WNT7B: variants seen among roughly 807,000 people sequenced by gnomAD.
The protein encoded by WNT7B is Wnt family member 7B.
In WNT7B, 19 loss-of-function variants were observed where a neutral mutation model predicts 38.2. That is an observed-to-expected ratio of 0.50 (90% CI 0.35 to 0.73). The LOEUF is 0.73. Among genes scored for constraint, WNT7B ranks in the 30% least tolerant of loss-of-function variants. WNT7B has a pLI of 0.01. For synonymous variants in WNT7B, 243 were observed against 209.3 expected (o/e 1.16, Z -1.39); for missense variants, 423 against 507.9 (o/e 0.83, Z 1.61).
intron 2 of WNT7B, among the ~76,000 whole-genome samples, chr22:45,944,466 C>T (rs527546253): frequency 1.2e-3 from 178 of 152,336 alleles, no homozygotes; most frequent in African/African-American, 4.0e-3. Context: ...TGGGCAGCTT[C>T]GCCGCTAGGA....
In WNT7B at chr22:45,971,973, G is replaced by A. The variant is rs577647888; in HGVS notation, c.71+4711C>T. On this transcript the variant is annotated intron_variant, in intron 1 of 3. Transcript: ENST00000339464. ...TCTCACTGCCGTAGCTGCCCGCCAA[G>A]TGCTCCACCTCGGCAGCTTAGGCTG... Among the ~76,000 whole-genome samples the A allele has an allele frequency of 1.4e-4, 21 of 152,316 alleles. No homozygotes were observed. The East Asian group carries it at 4.1e-3, about 30-fold the overall frequency.
chr22:45,975,209 G>A lies in WNT7B; in HGVS notation c.71+1475C>T, dbSNP rs960168812. On this transcript the variant is annotated intron_variant, in intron 1 of 3. Coordinates refer to ENST00000339464, the MANE Select transcript of WNT7B (RefSeq NM_058238.3). The surrounding 1 kb of genome is among the most constrained non-coding windows in gnomAD (Gnocchi z 6.6). ...GTGCCAGGAGGGGGAAGGCCTCAGC[G>A]CTGAGAATCAGGCTGCAGGGACAAA... 1.3e-5 allele frequency among the ~76,000 whole-genome samples: 2 copies of A among 152,142 alleles called. No homozygotes were observed. Among genetic ancestry groups the A allele is most frequent in the South Asian group, 2.1e-4 (1 of 4,828 alleles).
At position 45,922,554 on chromosome 22, in the gene WNT7B, G is replaced by T. The variant is rs1467764313; in HGVS notation, c.*302C>A. ...TGTGTCCTGGACGTTCATTTTCCCAGAGAGAAGAAAGAGAACTTGCCGGGC... is the reference window on the plus strand; with the variant it reads ...TGTGTCCTGGACGTTCATTTTCCCATAGAGAAGAAAGAGAACTTGCCGGGC... On this transcript the variant is annotated 3_prime_UTR_variant, in exon 4 of 4. Coordinates refer to ENST00000339464, the MANE Select transcript of WNT7B (RefSeq NM_058238.3). 2.4e-6 allele frequency: 1 copy of T among 415,840 alleles called. No homozygotes were observed. The highest frequency in any genetic ancestry group is 4.3e-6 in the Non-Finnish European group (1 of 230,564). The allele number at this position is 415,840 out of a possible 1,614,324, so 25.8% of individuals were successfully genotyped here.
rs1485634026 is a variant in WNT7B at position 45,929,728 on chromosome 22, C to CATCCACCTACCCATCCTTCCACTCATT, written c.570+1369_570+1370insAATGAGTGGAAGGATGGGTAGGTGGAT. ...TCCATCCACCCGTGAATCCACTCAC[C>CATCCACCTACCCATCCTTCCACTCATT]CATCCACCCACCGATCCATCCTTTC... is the stretch of plus-strand genomic sequence containing the variant. On this transcript the variant is annotated intron_variant, in intron 3 of 3. Transcript: ENST00000339464. 4.5e-3 allele frequency among the ~76,000 whole-genome samples: 663 copies of CATCCACCTACCCATCCTTCCACTCATT among 148,910 alleles called. 4 individuals are homozygous for CATCCACCTACCCATCCTTCCACTCATT. The highest frequency in any genetic ancestry group is 0.016 in the African/African-American group (625 of 39,386).
At chr22:45,961,283 C>G (rs564045671) in intron 1 of WNT7B, among the ~76,000 whole-genome samples, 1 of 152,300 alleles carries the variant, frequency 6.6e-6, no homozygotes, top group East Asian at 1.9e-4. Context: ...GCCCGGCCAC[C>G]CCAAGGCTGT....
chr22:45,923,342 G>T lies in WNT7B; in HGVS notation c.571-7C>A. On this transcript the variant is annotated splice_region_variant and splice_polypyrimidine_tract_variant and intron_variant, in intron 3 of 3. Coordinates refer to ENST00000339464, the MANE Select transcript of WNT7B (RefSeq NM_058238.3). ...GCATCCGGTCCTCTAGAACCTGCGG[G>T]TGACAGGGAAGCTGCTCGGCACGGC... 6.3e-7 allele frequency: 1 copy of T among 1,592,612 alleles called. No homozygotes were observed. The highest frequency in any genetic ancestry group is 8.6e-7 in the Non-Finnish European group (1 of 1,166,486).
intron 2 of WNT7B, among the ~76,000 whole-genome samples, chr22:45,948,827 CTT>C (rs749735538): frequency 0.099 from 8,881 of 89,604 alleles, 566 homozygotes; most frequent in East Asian, 0.21. Flanking sequence ...CCAAAGATCC[CTT>C]TTTTTTTTTT....
Position 45,952,815 on chromosome 22 carries a change from C to A in WNT7B, c.72-2669G>T, listed in dbSNP as rs1322502314. Among the ~76,000 whole-genome samples, 4 of 152,226 alleles carry A rather than the reference C, an allele frequency of 2.6e-5. No homozygotes were observed. In the South Asian group the frequency reaches 8.3e-4, roughly 32 times the overall value. On this transcript the variant is annotated intron_variant, in intron 1 of 3. Transcript: ENST00000339464. ...CGGCCCTGCCAGCACCCGGATCTGA[C>A]CAAGTCCGTCTGCTCAAAGCCCATC...
rs980779392 is a variant in WNT7B at position 45,939,649 on chromosome 22, T to TCACA, written c.299-8284_299-8281dup. Among the ~76,000 whole-genome samples, 822 of 101,280 alleles carry TCACA rather than the reference T, an allele frequency of 8.1e-3. 10 individuals carry two copies. The highest frequency in any genetic ancestry group is 0.025 in the African/African-American group (784 of 31,152). The allele number at this position is 101,280 out of a possible 152,430, so 66.4% of individuals were successfully genotyped here. A position where few individuals can be genotyped will look rare whatever the true frequency, so the allele number is the denominator to read the frequency against. ...TCTCTACAAACACACACACACACAC[T>TCACA]CACACACACACACACACACACAAAA... is the stretch of plus-strand genomic sequence containing the variant. On this transcript the variant is annotated intron_variant, in intron 2 of 3. Transcript: ENST00000339464.
chr22:45,943,603 C>G (rs1931722666), intron 2 of WNT7B, among the ~76,000 whole-genome samples: 1 of 152,288 alleles, frequency 6.6e-6, no homozygotes, highest in African/African-American at 2.4e-5. Context: ...CCGGGGCTGC[C>G]CCAGGGCCTC....
At chr22:45,957,290 T>C (rs1049132690) in intron 1 of WNT7B, among the ~76,000 whole-genome samples, 9 of 152,088 alleles carry the variant, frequency 5.9e-5, no homozygotes, top group African/African-American at 2.2e-4. Flanking sequence ...ACATAAGTTA[T>C]ATCTCAGCAT....
chr22:45,931,303 G>C lies in WNT7B; in HGVS notation c.365C>G (p.Ala122Gly). 1 of 1,597,844 alleles carries C rather than the reference G, an allele frequency of 6.3e-7. No homozygotes were observed. Among genetic ancestry groups the C allele is most frequent in the Non-Finnish European group, 8.5e-7 (1 of 1,179,306 alleles). The change falls in exon 3 of 4, where the codon GCC becomes GGC. Residue 122 changes from alanine to glycine, a missense_variant. Around this residue, in one of 3 missense-constraint regions of WNT7B, gnomAD observed 133 missense variants for 179.8 expected, o/e 0.74. Coordinates refer to ENST00000339464, the MANE Select transcript of WNT7B (RefSeq NM_058238.3). Reference sequence around the variant, plus strand: ...GTTGCTCAGGTTCCCTTGGCTGCAGGCAGCGGTGACGGCGTGCGCCACGCC... The same window carrying C: ...GTTGCTCAGGTTCCCTTGGCTGCAGCCAGCGGTGACGGCGTGCGCCACGCC... ...AAGVAHAVTA[A>G]CSQGNLSNCG...
chr22:45,940,646 T>C (rs182144176), intron 2 of WNT7B, among the ~76,000 whole-genome samples: 1 of 152,224 alleles, frequency 6.6e-6, no homozygotes, highest in East Asian at 1.9e-4. Context: ...ACCAACACAC[T>C]GAACCCGGGG....
At chr22:45,925,635 C>T in intron 3 of WNT7B, 1 of 985,352 alleles carries the variant, frequency 1.0e-6, no homozygotes, top group Non-Finnish European at 1.2e-6. Context: ...GGGATCTGTC[C>T]CCTCCTGGAA....
intron 1 of WNT7B, among the ~76,000 whole-genome samples, chr22:45,953,878 T>C (rs928114292): frequency 6.6e-6 from 1 of 152,218 alleles, no homozygotes; most frequent in Non-Finnish European, 1.5e-5. Flanking sequence ...AAGTTCAACC[T>C]GGAGTCACCC....
chr22:45,943,151 T>A (rs962965051), intron 2 of WNT7B, among the ~76,000 whole-genome samples: 2 of 152,206 alleles, frequency 1.3e-5, no homozygotes, highest in African/African-American at 4.8e-5. Context: ...TCTCCACACA[T>A]CTCTGTCCTT....
chr22:45,922,400 G>A lies in WNT7B; in HGVS notation c.*456C>T, dbSNP rs1329980843. On this transcript the variant is annotated 3_prime_UTR_variant, in exon 4 of 4. Coordinates refer to ENST00000339464, the MANE Select transcript of WNT7B (RefSeq NM_058238.3). ...TCAACATCTGTCCCCACCGCCCCAGGGCCCAGCGGCAGACCCAGCCTGGGA... is the reference window on the plus strand; with the variant it reads ...TCAACATCTGTCCCCACCGCCCCAGAGCCCAGCGGCAGACCCAGCCTGGGA... The A allele has an allele frequency of 5.7e-6, 1 of 175,262 alleles. No individual in the cohort carries two copies. The highest frequency in any genetic ancestry group is 2.4e-5 in the African/African-American group (1 of 42,132). The allele number at this position is 175,262 out of a possible 1,614,324, so 10.9% of individuals were successfully genotyped here.
intron 1 of WNT7B, among the ~76,000 whole-genome samples, chr22:45,971,495 C>G (rs1932437766): frequency 6.6e-6 from 1 of 152,210 alleles, no homozygotes. Flanking sequence ...CACACACACG[C>G]GCGCCCACGC....
chr22:45,957,707 A>C (rs1334610295), intron 1 of WNT7B, among the ~76,000 whole-genome samples: 3 of 151,052 alleles, frequency 2.0e-5, no homozygotes, highest in African/African-American at 2.4e-5. Flanking sequence ...AAAAAAAAAA[A>C]AAAAACAGAA....
Sources: allele counts gnomAD v4.1 joint callset (sites outside exome capture counted in the v4.1 genomes callset), GRCh38; gene constraint gnomAD v4.1.1; regional missense constraint gnomAD v4.1.1; non-coding constraint Gnocchi (gnomAD v3.1); transcripts MANE v1.5; gene names NCBI Gene and HGNC (gene_info 2026-07-23, HGNC 2026-07-21).